The following PLXDC2 variants were observed in gnomAD, a reference collection of about 807,000 sequenced individuals.
The protein encoded by PLXDC2 is plexin domain containing 2, also known as plexin domain-containing protein 2.
In PLXDC2, 40 loss-of-function variants were observed where a neutral mutation model predicts 68.9. The observed-to-expected ratio is 0.58, with a 90% CI of 0.45 to 0.76. The LOEUF (loss-of-function observed/expected upper bound fraction) is 0.76. PLXDC2 is among the 30% of genes least tolerant of loss of function. PLXDC2 has a pLI of 0.00. For missense variants in PLXDC2, 644 were observed against 661.9 expected (o/e 0.97, Z 0.30); for synonymous variants, 243 against 234.2 (o/e 1.04, Z -0.34).
At chr10:20,135,768 C>T (rs4431920) in intron 4 of PLXDC2, among the ~76,000 whole-genome samples, 33,005 of 151,900 alleles carry the variant, frequency 0.22, 4,595 homozygotes, top group East Asian at 0.51. Flanking sequence ...GGAATGGTTT[C>T]GTTGTGGTTT....
rs1402585248 is a variant in PLXDC2 at position 20,217,466 on chromosome 10, C to T, written c.1163C>T (p.Thr388Ile). Residue 388 changes from threonine (T) to isoleucine (I), a missense_variant, in exon 11 of 14, where the codon ACT becomes ATT. This residue lies in a region of PLXDC2 where 330 missense variants were observed against 327.9 expected (regional missense o/e 1.01). Transcript: ENST00000377252. ...TGTGAGAATACAGAACCAGTGGAAA[C>T]TTCTTCTCGAACCACCACAACCGTA... Reference protein sequence around the residue: ...KMCENTEPVETSSRTTTTVGA... With the variant: ...KMCENTEPVEISSRTTTTVGA... 1.9e-6 allele frequency: 3 copies of T among 1,612,714 alleles called. No homozygotes were observed. Among genetic ancestry groups the T allele is most frequent in the South Asian group, 1.1e-5 (1 of 90,954 alleles).
At chr10:20,259,386 A>C (rs966466324) in intron 13 of PLXDC2, among the ~76,000 whole-genome samples, 1 of 152,220 alleles carries the variant, frequency 6.6e-6, no homozygotes, top group African/African-American at 2.4e-5. Flanking sequence ...AAGATTCTGG[A>C]ATGTTGATAG....
chr10:20,255,420 G>A (rs1306178852), intron 13 of PLXDC2, among the ~76,000 whole-genome samples: 1 of 152,126 alleles, frequency 6.6e-6, no homozygotes, highest in Non-Finnish European at 1.5e-5. Flanking sequence ...AGTACCAACT[G>A]TTGAATAATT....
chr10:20,049,049 C>T (rs1024780906), intron 3 of PLXDC2, among the ~76,000 whole-genome samples: 4 of 151,956 alleles, frequency 2.6e-5, no homozygotes, highest in African/African-American at 9.7e-5. Flanking sequence ...ATTTTAGATA[C>T]CCTGCCATTG....
At chr10:20,007,163 T>C (rs974726639) in intron 2 of PLXDC2, among the ~76,000 whole-genome samples, 1 of 152,174 alleles carries the variant, frequency 6.6e-6, no homozygotes, top group Non-Finnish European at 1.5e-5. Flanking sequence ...CTCAGGGACA[T>C]ATGTGTAAAT....
chr10:20,123,335 A>T (rs562583073), intron 4 of PLXDC2, among the ~76,000 whole-genome samples: 2 of 152,068 alleles, frequency 1.3e-5, no homozygotes, highest in Non-Finnish European at 2.9e-5. Context: ...AAGATTTGGG[A>T]TGAGTTGCAT....
intron 2 of PLXDC2, among the ~76,000 whole-genome samples, chr10:20,031,550 A>G (rs923097361): frequency 1.3e-5 from 2 of 152,156 alleles, no homozygotes; most frequent in African/African-American, 4.8e-5. Flanking sequence ...GCTAAGTAAC[A>G]AACAACTCCA....
chr10:20,096,841 G>A (rs1833355460), intron 4 of PLXDC2, among the ~76,000 whole-genome samples: 2 of 151,964 alleles, frequency 1.3e-5, no homozygotes, highest in Admixed American at 6.6e-5. Context: ...AGTGTTAATT[G>A]GTGCTATGAA....
intron 4 of PLXDC2, among the ~76,000 whole-genome samples, chr10:20,088,946 A>G (rs923335518): frequency 3.3e-5 from 5 of 152,178 alleles, no homozygotes; most frequent in Non-Finnish European, 7.3e-5. Flanking sequence ...TCTGGAGCAC[A>G]TCGCTTTTGG....
At chr10:20,076,669 C>T (rs1317199695) in intron 4 of PLXDC2, among the ~76,000 whole-genome samples, 1 of 152,088 alleles carries the variant, frequency 6.6e-6, no homozygotes, top group Non-Finnish European at 1.5e-5. Flanking sequence ...GATTTCTCTC[C>T]ATAAAGCATA....
intron 4 of PLXDC2, among the ~76,000 whole-genome samples, chr10:20,116,589 A>G (rs958169567): frequency 2.6e-5 from 4 of 152,218 alleles, no homozygotes; most frequent in African/African-American, 9.6e-5. Flanking sequence ...GAATGGAAAA[A>G]TAAGTTATTT....
intron 1 of PLXDC2, among the ~76,000 whole-genome samples, chr10:19,933,492 G>A (rs371659129): frequency 4.5e-4 from 69 of 151,982 alleles, no homozygotes; most frequent in African/African-American, 1.6e-3. Flanking sequence ...AAATTAGCTG[G>A]GCATGATGGT....
chr10:19,888,571 A>G (rs1357535842), intron 1 of PLXDC2, among the ~76,000 whole-genome samples: 1 of 152,174 alleles, frequency 6.6e-6, no homozygotes, highest in Non-Finnish European at 1.5e-5. Context: ...GGGCACAGAG[A>G]AGCAGTCATT....
rs1431708868 is a variant in PLXDC2 at position 20,157,697 on chromosome 10, C to T, written c.784-6771C>T. On this transcript the variant is annotated intron_variant, in intron 6 of 13. Transcript: ENST00000377252. The stretch of plus-strand genomic sequence containing the variant: ...TTTTACCCCTGACATCTTTTCCTGC[C>T]TTGATTTTGTGTAGCAATTGCAACC... Among the ~76,000 whole-genome samples the T allele has an allele frequency of 3.3e-5, 5 of 152,256 alleles. No individual in the cohort carries two copies. In the East Asian group the frequency reaches 9.7e-4, roughly 29 times the overall value.
intron 1 of PLXDC2, among the ~76,000 whole-genome samples, chr10:19,948,671 C>T (rs2131404536): frequency 1.3e-5 from 2 of 152,072 alleles, no homozygotes; most frequent in Middle Eastern, 6.8e-3. Flanking sequence ...ATTTAGCGCT[C>T]CTATGCCTTT....
chr10:19,929,225 A>T (rs1214476325), intron 1 of PLXDC2, among the ~76,000 whole-genome samples: 2 of 151,900 alleles, frequency 1.3e-5, no homozygotes, highest in Non-Finnish European at 2.9e-5. Flanking sequence ...TAAAAGAAAA[A>T]AAAAATAAAT....
chr10:19,820,216 C>T (rs1836437328), intron 1 of PLXDC2, among the ~76,000 whole-genome samples: 3 of 152,242 alleles, frequency 2.0e-5, no homozygotes, highest in South Asian at 4.1e-4. Flanking sequence ...TCAGTGTGAT[C>T]TTCAGAAATA....
intron 9 of PLXDC2, among the ~76,000 whole-genome samples, chr10:20,190,426 A>C (rs1188238603): frequency 2.6e-5 from 4 of 151,876 alleles, no homozygotes; most frequent in African/African-American, 9.6e-5. Context: ...CAAGGATATA[A>C]AAATTTAAAA....
chr10:20,102,120 T>C (rs1244409797), intron 4 of PLXDC2, among the ~76,000 whole-genome samples: 1 of 152,144 alleles, frequency 6.6e-6, no homozygotes, highest in Admixed American at 6.6e-5. Context: ...CCAGCCTTTC[T>C]AAGAGATCCT....
Sources: gnomAD v4.1 joint callset for allele counts (sites outside exome capture counted in the v4.1 genomes callset) on GRCh38, gnomAD v4.1.1 for gene constraint, gnomAD v4.1.1 regional missense constraint, MANE v1.5 for transcripts, NCBI Gene and HGNC (gene_info 2026-07-23, HGNC 2026-07-21) for gene names.